The following INSYN2A variants were observed in gnomAD, a reference collection of about 807,000 sequenced individuals.
INSYN2A encodes inhibitory synaptic factor 2A, also known as family with sequence similarity 196 member A.
A neutral mutation model predicts 39.4 loss-of-function variants in INSYN2A; 17 were observed. The observed-to-expected ratio is 0.43, with a 90% CI of 0.30 to 0.65. INSYN2A has a LOEUF of 0.65. INSYN2A is among the 30% of genes least tolerant of loss of function. INSYN2A has a pLI of 0.14. For synonymous variants in INSYN2A, 255 were observed against 265.7 expected (o/e 0.96, Z 0.39); for missense variants, 595 against 631.2 (o/e 0.94, Z 0.61).
intron 5 of INSYN2A, among the ~76,000 whole-genome samples, chr10:127,143,693 G>A (rs2051500997): frequency 6.6e-6 from 1 of 152,166 alleles, no homozygotes; most frequent in Non-Finnish European, 1.5e-5. Context: ...TTGTCCAGAG[G>A]AAACTAAAAG....
chr10:127,149,611 A>T (rs1425360144), intron 5 of INSYN2A, among the ~76,000 whole-genome samples: 1 of 152,116 alleles, frequency 6.6e-6, no homozygotes, highest in African/African-American at 2.4e-5. Context: ...GGAGAGGGTA[A>T]TTGGGTTTCG....
In INSYN2A at chr10:127,165,197, C is replaced by T. The variant is rs190028578; in HGVS notation, c.1184+10015G>A. On this transcript the variant is annotated intron_variant, in intron 4 of 5. Transcript: ENST00000522781. ...GCCAGTGGTTCTGATGGTAAATATC[C>T]ACAGAGTCTTTTATCTTTAATTTCT... Among the ~76,000 whole-genome samples, 3 of 152,258 alleles carry T rather than the reference C, an allele frequency of 2.0e-5. No individual in the cohort carries two copies. In the East Asian group the frequency reaches 5.8e-4, roughly 29 times the overall value.
chr10:127,138,438 G>A (rs1355132726), intron 5 of INSYN2A, among the ~76,000 whole-genome samples: 4 of 152,112 alleles, frequency 2.6e-5, no homozygotes, highest in Admixed American at 2.6e-4. Flanking sequence ...GTCCGTTCCT[G>A]TGCAATGTAT....
chr10:127,187,762 G>T (rs1471564304), intron 2 of INSYN2A, among the ~76,000 whole-genome samples: 2 of 139,972 alleles, frequency 1.4e-5, no homozygotes, highest in Non-Finnish European at 3.1e-5. Context: ...AAGAGAGAAA[G>T]AAAGAAAAGA....
In INSYN2A at chr10:127,175,268, G is replaced by C; in HGVS notation, c.1128C>G (p.Ile376Met). The C allele has an allele frequency of 1.9e-6, 3 of 1,614,068 alleles. No homozygotes were observed. The highest frequency in any genetic ancestry group is 2.5e-6 in the Non-Finnish European group (3 of 1,180,014). The stretch of plus-strand genomic sequence containing the variant: ...CCTGAATGACCCCCAAGAGCACTTT[G>C]ATGGTTTCTTGGCTTGAACTGATCA... ...ENLISSSQET[I>M]KVLLGVIQEL... Residue 376 changes from isoleucine to methionine, a missense_variant, in exon 4 of 6, where the codon ATC (isoleucine) becomes ATG (methionine). Coordinates refer to ENST00000522781, the MANE Select transcript of INSYN2A (RefSeq NM_001039762.3). The surrounding 1 kb of genome is among the most constrained non-coding windows in gnomAD (Gnocchi z 6.3).
At chr10:127,156,759 G>A (rs2053123807) in intron 4 of INSYN2A, among the ~76,000 whole-genome samples, 1 of 151,566 alleles carries the variant, frequency 6.6e-6, no homozygotes, top group African/African-American at 2.4e-5. Context: ...GTAGAGACGG[G>A]GTTTCTCTAT....
chr10:127,183,829 T>C (rs1281676560), intron 2 of INSYN2A, among the ~76,000 whole-genome samples: 1 of 152,224 alleles, frequency 6.6e-6, no homozygotes, highest in Non-Finnish European at 1.5e-5. Flanking sequence ...AAAATCTACC[T>C]CTTATCAATC....
intron 4 of INSYN2A, among the ~76,000 whole-genome samples, chr10:127,160,950 G>C (rs1019439867): frequency 2.6e-5 from 4 of 152,118 alleles, no homozygotes; most frequent in African/African-American, 9.7e-5. Flanking sequence ...TCACTTAATA[G>C]TCTCAAAGTG....
At chr10:127,187,814 A>G (rs1027373964) in intron 2 of INSYN2A, among the ~76,000 whole-genome samples, 34 of 152,168 alleles carry the variant, frequency 2.2e-4, no homozygotes, top group Non-Finnish European at 1.2e-4. Flanking sequence ...GCAAAAGCAT[A>G]TTGGTCTCTA....
At chr10:127,180,667 G>C (rs1481424160) in intron 2 of INSYN2A, among the ~76,000 whole-genome samples, 8 of 152,184 alleles carry the variant, frequency 5.3e-5, no homozygotes, top group Admixed American at 1.3e-4. Context: ...ATGAAAATGT[G>C]CATTCCAACT....
chr10:127,157,481 T>C (rs1353154810), intron 4 of INSYN2A, among the ~76,000 whole-genome samples: 3 of 152,264 alleles, frequency 2.0e-5, no homozygotes, highest in Non-Finnish European at 2.9e-5. Context: ...GAAACACTTC[T>C]TGACTTTTAC....
intron 1 of INSYN2A, among the ~76,000 whole-genome samples, chr10:127,194,982 G>A (rs1011087729): frequency 9.0e-6 from 1 of 111,350 alleles, no homozygotes; most frequent in Non-Finnish European, 1.9e-5. Context: ...AGAGGGGTCC[G>A]GGCGGGAGCC....
At chr10:127,149,474 G>A (rs2052263230) in intron 5 of INSYN2A, among the ~76,000 whole-genome samples, 1 of 152,168 alleles carries the variant, frequency 6.6e-6, no homozygotes, top group African/African-American at 2.4e-5. Context: ...GCCTCCCATG[G>A]CAAAGGTACC....
Position 127,175,447 on chromosome 10 carries a change from CG to C in INSYN2A, c.948del (p.Glu317AsnfsTer48). The C allele has an allele frequency of 1.2e-6, 2 of 1,611,938 alleles. No homozygotes were observed. The highest frequency in any genetic ancestry group is 8.5e-7 in the Non-Finnish European group (1 of 1,180,028). ...ACSPPMQCLS[P>X]ECSEQPSQTH... ...GTCTGCGACGGCTGCTCACTACATT[CG>C]GGGGACAGGCACTGCATCGGGGGTG... On this transcript the variant is annotated frameshift_variant, in exon 4 of 6. Transcript: ENST00000522781. LOFTEE classifies it high-confidence loss of function. The surrounding 1 kb of genome is among the most constrained non-coding windows in gnomAD (Gnocchi z 6.3).
Position 127,137,575 on chromosome 10 carries a change from A to T in INSYN2A, c.*262T>A. 2.7e-6 allele frequency: 1 copy of T among 365,138 alleles called. No individual in the cohort carries two copies. The highest frequency in any genetic ancestry group is 4.9e-6 in the Non-Finnish European group (1 of 203,832). The allele number at this position is 365,138 out of a possible 1,614,324, so 22.6% of individuals were successfully genotyped here. A position where few individuals can be genotyped will look rare whatever the true frequency, so the allele number is the denominator to read the frequency against. On this transcript the variant is annotated 3_prime_UTR_variant, in exon 6 of 6. Coordinates refer to ENST00000522781, the MANE Select transcript of INSYN2A (RefSeq NM_001039762.3). ...GGGTGGGGGAAAATTTTTACTTATC[A>T]TCTTTGACTACGTAAGTTTCATTTC...
Position 127,176,091 on chromosome 10 carries a change from C to T in INSYN2A, c.305G>A (p.Ser102Asn). The T allele has an allele frequency of 6.2e-7, 1 of 1,614,174 alleles. No homozygotes were observed. The highest frequency in any genetic ancestry group is 1.7e-5 in the Admixed American group (1 of 60,024). ...ARRSIPNVTK[S>N]TGVQTSPDLK... The stretch of plus-strand genomic sequence containing the variant: ...GTCGGGCGAGGTCTGCACGCCTGTG[C>T]TCTTGGTGACGTTGGGGATGGACCT... The change falls in exon 4 of 6, where the codon AGC becomes AAC. Residue 102 changes from serine (S) to asparagine (N), a missense_variant. This residue lies in a region of INSYN2A where 478 missense variants were observed against 467.4 expected (regional missense o/e 1.02). Transcript: ENST00000522781. This position sits in a 1 kb window ranked among gnomAD's most constrained non-coding sequence, Gnocchi z 4.4.
chr10:127,148,394 G>T (rs2052134788), intron 5 of INSYN2A, among the ~76,000 whole-genome samples: 1 of 152,228 alleles, frequency 6.6e-6, no homozygotes, highest in Admixed American at 6.5e-5. Flanking sequence ...GCTGTTTAAT[G>T]AATCTGAGTC....
chr10:127,184,321 C>A (rs533613747), intron 2 of INSYN2A, among the ~76,000 whole-genome samples: 1 of 151,042 alleles, frequency 6.6e-6, no homozygotes, highest in African/African-American at 2.4e-5. Context: ...ATTCCCCCCC[C>A]AGTCTAATCC....
chr10:127,151,713 G>T (rs567656101), intron 5 of INSYN2A, among the ~76,000 whole-genome samples: 14 of 152,160 alleles, frequency 9.2e-5, no homozygotes, highest in African/African-American at 1.4e-4. Flanking sequence ...TAACCAGAGC[G>T]ATCACAGTGC....
Sources: allele counts gnomAD v4.1 joint callset (sites outside exome capture counted in the v4.1 genomes callset), GRCh38; gene constraint gnomAD v4.1.1; regional missense constraint gnomAD v4.1.1; non-coding constraint Gnocchi (gnomAD v3.1); transcripts MANE v1.5; gene names NCBI Gene and HGNC (gene_info 2026-07-23, HGNC 2026-07-21).